PPFIBP2: variants seen among roughly 807,000 people sequenced by gnomAD.
The protein encoded by PPFIBP2 is PPFIB scaffold protein 2.
A neutral mutation model predicts 118.3 loss-of-function variants in PPFIBP2; 118 were observed. That is an observed-to-expected ratio of 1.00 (90% CI 0.86 to 1.16). The LOEUF is 1.16. PPFIBP2 is among the 50% of genes most tolerant of loss of function. The pLI is 0.00. For synonymous variants in PPFIBP2, 414 were observed against 397.4 expected (o/e 1.04, Z -0.50); for missense variants, 1,195 against 1,073.1 (o/e 1.11, Z -1.59).
At chr11:7,627,045 T>C (rs1162514225) in intron 8 of PPFIBP2, among the ~76,000 whole-genome samples, 1 of 152,256 alleles carries the variant, frequency 6.6e-6, no homozygotes, top group Non-Finnish European at 1.5e-5. Context: ...TCTCTGATGC[T>C]AAGCCTGGAC....
At chr11:7,546,782 A>C (rs1229306994) in intron 1 of PPFIBP2, among the ~76,000 whole-genome samples, 1 of 152,220 alleles carries the variant, frequency 6.6e-6, no homozygotes, top group Non-Finnish European at 1.5e-5. Flanking sequence ...CTGGAACAGC[A>C]TTCTCCTCCT....
At chr11:7,612,894 G>A (rs558616895) in intron 6 of PPFIBP2, among the ~76,000 whole-genome samples, 10 of 152,326 alleles carry the variant, frequency 6.6e-5, no homozygotes, top group African/African-American at 2.4e-4. Context: ...TAAAACCACA[G>A]GGTACTGCTT....
chr11:7,584,581 C>G (rs1857793911), intron 3 of PPFIBP2, among the ~76,000 whole-genome samples: 1 of 152,070 alleles, frequency 6.6e-6, no homozygotes, highest in African/African-American at 2.4e-5. Flanking sequence ...ATAATAAATG[C>G]CAGAAAGCCC....
rs757317332 is a variant in PPFIBP2 at position 7,631,029 on chromosome 11, G to A, written c.1068+1G>A. 2 of 1,610,008 alleles carry A rather than the reference G, an allele frequency of 1.2e-6. No individual in the cohort carries two copies. The highest frequency in any genetic ancestry group is 1.7e-6 in the Non-Finnish European group (2 of 1,176,282). ...CCCTGAAGAATTATTTAAACAAGAG[G>A]TACTGTGTTTCCATCCATGACGTAG... On this transcript the variant is annotated splice_donor_variant, in intron 11 of 23. Transcript: ENST00000299492. LOFTEE classifies it high-confidence loss of function.
At chr11:7,571,187 G>A (rs1855612994) in intron 3 of PPFIBP2, among the ~76,000 whole-genome samples, 1 of 152,164 alleles carries the variant, frequency 6.6e-6, no homozygotes, top group South Asian at 2.1e-4. Flanking sequence ...CAGTTCAGGT[G>A]CCCTCAGTTA....
intron 13 of PPFIBP2, among the ~76,000 whole-genome samples, chr11:7,634,937 C>T (rs1016506685): frequency 9.2e-5 from 14 of 151,784 alleles, no homozygotes; most frequent in African/African-American, 3.2e-4. Context: ...TTGGGGACAT[C>T]GTATAGATTT....
chr11:7,641,035 C>T (rs1166563691), intron 15 of PPFIBP2: 3 of 1,281,786 alleles, frequency 2.3e-6, no homozygotes, highest in Non-Finnish European at 3.1e-6. Context: ...CACTGGAGAT[C>T]GTGGCCGGAG....
At chr11:7,529,931 G>A (rs567078019) in intron 1 of PPFIBP2, among the ~76,000 whole-genome samples, 5 of 152,238 alleles carry the variant, frequency 3.3e-5, no homozygotes, top group African/African-American at 7.2e-5. Flanking sequence ...CTAGAGAGAC[G>A]CAGAAAACCT....
At chr11:7,660,183 G>A (rs202024107), downstream of PPFIBP2, among the ~76,000 whole-genome samples, 3 of 127,018 alleles carry the variant, frequency 2.4e-5, no homozygotes, top group East Asian at 2.0e-4. Context: ...TTCCAACACT[G>A]TGTTGAATAG....
chr11:7,565,426 A>G, intron 2 of PPFIBP2, 127 bp from the exon 3 acceptor site: 1 of 952,406 alleles, frequency 1.0e-6, no homozygotes, highest in Non-Finnish European at 1.6e-6. Context: ...GTGCACCGCC[A>G]TGCCCAGCTC....
Position 7,653,228 on chromosome 11 carries a change from C to T in PPFIBP2, c.*10C>T, listed in dbSNP as rs758147186. On this transcript the variant is annotated 3_prime_UTR_variant, in exon 24 of 24. Coordinates refer to ENST00000299492, the MANE Select transcript of PPFIBP2 (RefSeq NM_003621.5). ...GGGACAGATTAGCTGATGCCCTTGTCACCTGCCCTCTGTGCACCCTGAGAG... is the reference window on the plus strand; with the variant it reads ...GGGACAGATTAGCTGATGCCCTTGTTACCTGCCCTCTGTGCACCCTGAGAG... 13 of 1,613,856 alleles carry T rather than the reference C, an allele frequency of 8.1e-6. No individual in the cohort carries two copies. In the African/African-American group the frequency reaches 1.6e-4, roughly 20 times the overall value.
chr11:7,597,357 C>T lies in PPFIBP2; in HGVS notation c.373-203C>T, dbSNP rs765818082. On this transcript the variant is annotated intron_variant, in intron 4 of 23. Coordinates refer to ENST00000299492, the MANE Select transcript of PPFIBP2 (RefSeq NM_003621.5). ...TGACCCATGTCATCAGAGCAGTGGC[C>T]GAGACTCCCTGGTAAGGTAAGAATC... 4.5e-5 allele frequency: 69 copies of T among 1,535,596 alleles called. No homozygotes were observed. In the African/African-American group the frequency reaches 4.7e-4, roughly 10 times the overall value.
At chr11:7,606,240 G>A (rs148415160) in intron 5 of PPFIBP2, among the ~76,000 whole-genome samples, 14 of 152,266 alleles carry the variant, frequency 9.2e-5, no homozygotes, top group Middle Eastern at 3.4e-3. Context: ...TTGAAATGAC[G>A]GGGAAGAATG....
In PPFIBP2 at chr11:7,521,367, G is replaced by C. The variant is rs193031172; in HGVS notation, c.-37+7246G>C. ...GTATGGCATTCAAATCTCTACAGTGGTGGGCCCTACTTTAGCTCTCCAGCT... is the reference window on the plus strand; with the variant it reads ...GTATGGCATTCAAATCTCTACAGTGCTGGGCCCTACTTTAGCTCTCCAGCT... On this transcript the variant is annotated intron_variant, in intron 1 of 23. Coordinates refer to ENST00000299492, the MANE Select transcript of PPFIBP2 (RefSeq NM_003621.5). Among the ~76,000 whole-genome samples, 110 of 152,288 alleles carry C rather than the reference G, an allele frequency of 7.2e-4. 1 individual carries two copies. Among genetic ancestry groups the C allele is most frequent in the Non-Finnish European group, 1.5e-5 (1 of 68,018 alleles).
In PPFIBP2 at chr11:7,549,531, T is replaced by A; in HGVS notation, c.56T>A (p.Ile19Asn). 1.9e-6 allele frequency: 3 copies of A among 1,563,036 alleles called. No homozygotes were observed. Among genetic ancestry groups the A allele is most frequent in the Non-Finnish European group, 2.6e-6 (3 of 1,153,608 alleles). Residue 19 changes from isoleucine (I) to asparagine (N), a missense_variant, in exon 2 of 24, where the codon ATC becomes AAC. Physicochemically the swap from Ile to Asn is moderately radical, Grantham distance 149 (BLOSUM62 -3). Coordinates refer to ENST00000299492, the MANE Select transcript of PPFIBP2 (RefSeq NM_003621.5). ...LEAALEQMDG[I>N]IAGTKTGADL... ...GCTGCCCTGGAGCAAATGGACGGGA[T>A]CATTGCAGGTACGCCCAGGGAACCC...
At chr11:7,646,092 G>C (rs1302965088) in intron 17 of PPFIBP2, among the ~76,000 whole-genome samples, 5 of 152,198 alleles carry the variant, frequency 3.3e-5, no homozygotes, top group Admixed American at 1.3e-4. Flanking sequence ...AAAGGAGTGA[G>C]TAGCCCTCTA....
intron 4 of PPFIBP2, among the ~76,000 whole-genome samples, chr11:7,596,336 C>A (rs1392073435): frequency 6.6e-6 from 1 of 151,804 alleles, no homozygotes; most frequent in Non-Finnish European, 1.5e-5. Flanking sequence ...AAACACCCAC[C>A]CACAAAGGTT....
At chr11:7,549,347 T>G in intron 1 of PPFIBP2, 93 bp from the exon 2 acceptor site, 1 of 1,107,174 alleles carries the variant, frequency 9.0e-7, no homozygotes, top group Non-Finnish European at 1.3e-6. Flanking sequence ...GAAAACACGT[T>G]GTGTGATGAT....
intron 14 of PPFIBP2, among the ~76,000 whole-genome samples, chr11:7,636,337 C>G (rs1447600518): frequency 6.6e-6 from 1 of 152,096 alleles, no homozygotes; most frequent in Admixed American, 6.6e-5. Flanking sequence ...AGAGAAAGAT[C>G]TTTTCTGCAC....
Sources: gnomAD v4.1 joint callset for allele counts (sites outside exome capture counted in the v4.1 genomes callset) on GRCh38, gnomAD v4.1.1 for gene constraint, MANE v1.5 for transcripts, NCBI Gene and HGNC (gene_info 2026-07-23, HGNC 2026-07-21) for gene names.